The following CHORDC1 variants were observed in gnomAD, a reference collection of about 807,000 sequenced individuals.
CHORDC1 encodes the protein cysteine and histidine rich domain containing 1, also known as cysteine and histidine-rich domain-containing protein 1.
Under a neutral mutation model 48.3 loss-of-function variants are expected in CHORDC1, and 25 were observed. The observed-to-expected ratio is 0.52, with a 90% CI of 0.38 to 0.72. The LOEUF is 0.72. Among genes scored for constraint, CHORDC1 ranks in the 30% least tolerant of loss-of-function variants. The pLI is 0.00. For missense variants in CHORDC1, 317 were observed against 388.7 expected (o/e 0.82, Z 1.55); for synonymous variants, 128 against 126.4 (o/e 1.01, Z -0.09).
chr11:90,218,049 G>C, intron 2 of CHORDC1, 86 bp downstream of exon 2: 1 of 1,011,430 alleles, frequency 9.9e-7, no homozygotes, highest in Non-Finnish European at 1.4e-6. Flanking sequence ...CACTAGCTGA[G>C]AAAAAAAGAT....
chr11:90,216,575 T>C (rs996865787), intron 2 of CHORDC1: 4 of 438,732 alleles, frequency 9.1e-6, no homozygotes, highest in Non-Finnish European at 1.8e-5. Flanking sequence ...GGTTATAAAA[T>C]AGAGACCACA....
At chr11:90,215,908 G>C (rs1013828178) in intron 2 of CHORDC1, among the ~76,000 whole-genome samples, 8 of 151,940 alleles carry the variant, frequency 5.3e-5, no homozygotes, top group African/African-American at 1.7e-4. Context: ...ATTAAGATTT[G>C]GGACTAAATT....
In CHORDC1 at chr11:90,222,877, C is replaced by T. The variant is rs1485878117; in HGVS notation, c.64+14G>A. On this transcript the variant is annotated intron_variant, in intron 1 of 10. Coordinates refer to ENST00000320585, the MANE Select transcript of CHORDC1 (RefSeq NM_012124.3). Reference sequence around the variant, plus strand: ...GGTGGAGGGGAGGGAGGGCTGGCGGCGCGTTCCTCTTACCGTCGGAATTGG... The same window carrying T: ...GGTGGAGGGGAGGGAGGGCTGGCGGTGCGTTCCTCTTACCGTCGGAATTGG... 6.2e-7 allele frequency: 1 copy of T among 1,612,412 alleles called. No homozygotes were observed. Among genetic ancestry groups the T allele is most frequent in the Non-Finnish European group, 8.5e-7 (1 of 1,178,762 alleles).
chr11:90,204,858 C>T (rs10765273), intron 8 of CHORDC1, among the ~76,000 whole-genome samples: 92,709 of 151,904 alleles, frequency 0.61, 29,906 homozygotes, highest in South Asian at 0.75. Context: ...CTCATCCTCT[C>T]ACAATTTAAT....
rs1857539152 is a variant in CHORDC1, at chr11:90,201,355, T to C, written c.*1050A>G. On this transcript the variant is annotated 3_prime_UTR_variant, in exon 11 of 11. Transcript: ENST00000320585. ...AAAACCTATCCAAACGATCTAATTC[T>C]GTATTACCTATATTTAATATAAAGT... 6.6e-6 allele frequency: 1 copy of C among 151,882 alleles called. No individual in the cohort carries two copies. Among genetic ancestry groups the C allele is most frequent in the Non-Finnish European group, 1.5e-5 (1 of 67,852 alleles). The allele number at this position is 151,882 out of a possible 1,614,324, so 9.4% of individuals were successfully genotyped here.
intron 6 of CHORDC1, chr11:90,207,074 C>A (rs1339785372): frequency 4.4e-6 from 1 of 226,354 alleles, no homozygotes; most frequent in African/African-American, 2.3e-5. Context: ...TTGATGGCAC[C>A]GTACAGACTC....
chr11:90,210,116 T>C (rs1229037830), intron 6 of CHORDC1, among the ~76,000 whole-genome samples: 1 of 152,236 alleles, frequency 6.6e-6, no homozygotes, highest in Non-Finnish European at 1.5e-5. Flanking sequence ...TGATTTAGTG[T>C]TACTATGTCA....
At chr11:90,208,916 G>C (rs1273543195) in intron 6 of CHORDC1, 2 of 152,090 alleles carry the variant, frequency 1.3e-5, no homozygotes, top group Non-Finnish European at 2.9e-5. Flanking sequence ...TTTAGGATCT[G>C]GCCAGGTCTA....
rs527683958 is a variant in CHORDC1, at chr11:90,205,720, A to G, written c.564-155T>C. 6.8e-5 allele frequency: 40 copies of G among 590,774 alleles called. 1 individual carries two copies. In the South Asian group the frequency reaches 8.0e-4, roughly 12 times the overall value. 36.6% of individuals were successfully genotyped at this position (590,774 alleles called of 1,614,324 possible). A position where few individuals can be genotyped will look rare whatever the true frequency, so the allele number is the denominator to read the frequency against. On this transcript the variant is annotated intron_variant, in intron 7 of 10. Coordinates refer to ENST00000320585, the MANE Select transcript of CHORDC1 (RefSeq NM_012124.3). ...AAGTTACTAAAAATGAATGTACAGT[A>G]TATCAGGAAGAATGTGGAAACAGAG...
chr11:90,218,186 T>C lies in CHORDC1; in HGVS notation c.65-2A>G. 1 of 1,555,918 alleles carries C rather than the reference T, an allele frequency of 6.4e-7. No individual in the cohort carries two copies. The highest frequency in any genetic ancestry group is 8.6e-7 in the Non-Finnish European group (1 of 1,160,026). ...CACCTGGGTGGTATGTGCAAGCATC[T>C]GGAGAAAACAGAGAAAAAAAAAAAA... On this transcript the variant is annotated splice_acceptor_variant, in intron 1 of 10. Transcript: ENST00000320585. LOFTEE classifies it high-confidence loss of function.
intron 1 of CHORDC1, chr11:90,222,554 AC>A: frequency 5.6e-6 from 3 of 533,272 alleles, no homozygotes; most frequent in South Asian, 1.6e-5. Flanking sequence ...TTCCCCAGAG[AC>A]TGGAGGGCCA....
intron 6 of CHORDC1, chr11:90,207,847 G>A (rs1324943968): frequency 6.7e-6 from 1 of 148,642 alleles, no homozygotes; most frequent in African/African-American, 2.5e-5. Context: ...ACATACTGCT[G>A]GTAGAAACGT....
At chr11:90,219,870 ACAGT>A (rs774562885) in intron 1 of CHORDC1, among the ~76,000 whole-genome samples, 15 of 152,188 alleles carry the variant, frequency 9.9e-5, no homozygotes, top group African/African-American at 2.4e-4. Context: ...AAATCAGGTA[ACAGT>A]CAGCTTCATC....
intron 6 of CHORDC1, chr11:90,206,956 A>G: frequency 2.7e-6 from 1 of 365,026 alleles, no homozygotes; most frequent in South Asian, 2.1e-5. Context: ...ACAGTATTAG[A>G]TGTGTATTTC....
intron 6 of CHORDC1, chr11:90,209,208 T>A (rs1247852841): frequency 1.3e-5 from 2 of 152,152 alleles, no homozygotes; most frequent in Non-Finnish European, 2.9e-5. Context: ...GATCTAAAAT[T>A]TAACATGAGG....
At chr11:90,215,589 G>A (rs1338749852) in intron 2 of CHORDC1, among the ~76,000 whole-genome samples, 2 of 151,106 alleles carry the variant, frequency 1.3e-5, no homozygotes, top group Admixed American at 6.6e-5. Flanking sequence ...AATAAGTATA[G>A]GTATTTTACT....
Position 90,202,384 on chromosome 11 carries a change from A to G in CHORDC1, c.*21T>C. ...ATTAAAAATTCGGAAATAATGTAAT[A>G]GCCTTCCTTCCATCTCCCACTCAAT... On this transcript the variant is annotated 3_prime_UTR_variant, in exon 11 of 11. Transcript: ENST00000320585. 6.2e-7 allele frequency: 1 copy of G among 1,607,404 alleles called. No homozygotes were observed.
chr11:90,210,408 C>T (rs759382510), intron 6 of CHORDC1, 128 bp downstream of exon 6: 8 of 645,650 alleles, frequency 1.2e-5, no homozygotes, highest in Admixed American at 3.0e-5. Flanking sequence ...GATTGTAGCC[C>T]TAGTCCCCAG....
chr11:90,206,781 C>T (rs1190758640), intron 6 of CHORDC1: 6 of 1,287,872 alleles, frequency 4.7e-6, no homozygotes, highest in East Asian at 5.5e-5. Context: ...CTGGAAGATC[C>T]GGGCCCCATT....
Sources: gnomAD v4.1 joint callset for allele counts (sites outside exome capture counted in the v4.1 genomes callset) on GRCh38, gnomAD v4.1.1 for gene constraint, MANE v1.5 for transcripts, NCBI Gene and HGNC (gene_info 2026-07-23, HGNC 2026-07-21) for gene names.